SLC3A2: variants seen among roughly 807,000 people sequenced by gnomAD.
SLC3A2 encodes the protein amino acid transporter heavy chain SLC3A2.
SLC3A2 carries 32 observed loss-of-function variants against 48.5 expected under a neutral mutation model. The ratio of observed to expected loss-of-function variants is 0.66; its 90% CI spans 0.50 to 0.89. SLC3A2 has a LOEUF of 0.89. Ranked by LOEUF, SLC3A2 falls within the 40% of genes least tolerant of loss-of-function variation. The pLI is 0.00. For synonymous variants in SLC3A2, 277 were observed against 288.8 expected (o/e 0.96, Z 0.41); for missense variants, 587 against 680.7 (o/e 0.86, Z 1.53).
At chr11:62,867,230 G>A (rs1000272936) in intron 1 of SLC3A2, among the ~76,000 whole-genome samples, 1 of 151,506 alleles carries the variant, frequency 6.6e-6, no homozygotes, top group Non-Finnish European at 1.5e-5. Context: ...GACCTCAGGT[G>A]TTGCGCCCAC....
intron 7 of SLC3A2, among the ~76,000 whole-genome samples, chr11:62,887,658 G>T (rs767103813): frequency 8.7e-5 from 13 of 149,754 alleles, no homozygotes; most frequent in Non-Finnish European, 1.5e-4. Flanking sequence ...AGCCAAGATC[G>T]TGCCATTGCA....
intron 1 of SLC3A2, among the ~76,000 whole-genome samples, chr11:62,872,849 G>C (rs1364974779): frequency 6.6e-6 from 1 of 152,086 alleles, no homozygotes; most frequent in Non-Finnish European, 1.5e-5. Context: ...TGATCCGCCC[G>C]CCTTGGCCTC....
intron 7 of SLC3A2, 69 bp from the exon 8 acceptor site, chr11:62,888,066 G>A (rs1211185505): frequency 4.3e-6 from 6 of 1,408,070 alleles, no homozygotes; most frequent in African/African-American, 1.4e-5. Context: ...CAGACTGCTG[G>A]AATTACAGAT....
intron 1 of SLC3A2, chr11:62,870,725 A>ATTTTTTTTTTTT (rs754127613): frequency 1.4e-5 from 2 of 141,678 alleles, no homozygotes; most frequent in Non-Finnish European, 3.0e-5. Context: ...TATTATTATT[A>ATTTTTTTTTTTT]TTTTTTTTTT....
intron 1 of SLC3A2, among the ~76,000 whole-genome samples, chr11:62,862,333 C>CAAAAA (rs71065311): frequency 2.0e-4 from 11 of 55,900 alleles, no homozygotes; most frequent in East Asian, 1.4e-3. Flanking sequence ...GACTCTGTCT[C>CAAAAA]AAAAAAAAAA....
rs1565255205 is a variant in SLC3A2 at position 62,884,446 on chromosome 11, G to T, written c.691-11G>T. Reference sequence around the variant, plus strand: ...ACTGATGTCTGTCCTTTATTCTTCTGCCCCCTATAGGATGCTCTGGAGTTT... The same window carrying T: ...ACTGATGTCTGTCCTTTATTCTTCTTCCCCCTATAGGATGCTCTGGAGTTT... On this transcript the variant is annotated splice_polypyrimidine_tract_variant and intron_variant, in intron 3 of 8. Coordinates refer to ENST00000338663, the MANE Select transcript of SLC3A2 (RefSeq NM_001013251.3). 1.2e-6 allele frequency: 2 copies of T among 1,614,092 alleles called. No homozygotes were observed. The highest frequency in any genetic ancestry group is 1.7e-6 in the Non-Finnish European group (2 of 1,179,970).
chr11:62,872,263 C>T (rs2085525811), intron 1 of SLC3A2, among the ~76,000 whole-genome samples: 2 of 152,154 alleles, frequency 1.3e-5, no homozygotes, highest in South Asian at 4.1e-4. Context: ...GTGGCTCACG[C>T]CTCTAATGCT....
chr11:62,877,670 T>C (rs1390227249), upstream of SLC3A2, among the ~76,000 whole-genome samples: 2 of 152,098 alleles, frequency 1.3e-5, no homozygotes, highest in Non-Finnish European at 2.9e-5. Flanking sequence ...TGAGGTTGAG[T>C]GGACAAACAG....
rs1140538 is a variant in SLC3A2 at position 62,885,502 on chromosome 11, C to T, written c.1037C>T (p.Ala346Val). Residue 346 changes from alanine to valine, a missense_variant, in exon 7 of 9, where the codon GCT (alanine) becomes GTT (valine). By Grantham distance (64) the Ala-to-Val change is moderately conservative (BLOSUM62 0). This residue lies in a region of SLC3A2 where 409 missense variants were observed against 446.7 expected (regional missense o/e 0.92). Coordinates refer to ENST00000338663, the MANE Select transcript of SLC3A2 (RefSeq NM_001013251.3). ...QARLLTSFLP[A>V]QLLRLYQLML... ...AGGCTCCTGACTTCCTTCTTGCCGG[C>T]TCAACTTCTCCGACTCTACCAGCTG... 1 of 1,614,052 alleles carries T rather than the reference C, an allele frequency of 6.2e-7. No individual in the cohort carries two copies. The highest frequency in any genetic ancestry group is 1.3e-5 in the African/African-American group (1 of 74,932).
intron 3 of SLC3A2, chr11:62,883,403 G>A (rs140565635): frequency 4.1e-4 from 89 of 214,626 alleles, no homozygotes; most frequent in African/African-American, 1.8e-3. Flanking sequence ...GTACTCCTAT[G>A]TGTCTGGGAC....
At chr11:62,884,553 A>T in intron 4 of SLC3A2, 28 bp downstream of exon 4, 2 of 1,614,060 alleles carry the variant, frequency 1.2e-6, no homozygotes, top group Non-Finnish European at 8.5e-7. Context: ...ATTAGGGACA[A>T]AGCTTGGGCG....
Position 62,881,954 on chromosome 11 carries a change from A to G in SLC3A2, c.486A>G (p.Pro162=), listed in dbSNP as rs1352305418. 6.2e-7 allele frequency: 1 copy of G among 1,614,164 alleles called. No homozygotes were observed. The highest frequency in any genetic ancestry group is 8.5e-7 in the Non-Finnish European group (1 of 1,180,022). ...SLKVKGLVLG[P]IHKNQKDDVA... is the part of the protein sequence containing the mutation. ...AGGTGAAGGGCCTTGTGCTGGGTCC[A>G]ATTCACAAGAACCAGAAGGATGATG... is the stretch of plus-strand genomic sequence containing the variant. The change falls in exon 2 of 9, where the codon CCA becomes CCG. Residue 162 remains proline (P), a synonymous_variant. Transcript: ENST00000338663. This position sits in a 1 kb window ranked among gnomAD's most constrained non-coding sequence, Gnocchi z 4.0.
chr11:62,878,489 G>A (rs969519307), upstream of SLC3A2, among the ~76,000 whole-genome samples: 6 of 150,684 alleles, frequency 4.0e-5, no homozygotes, highest in African/African-American at 7.3e-5. Flanking sequence ...TTTTTGAGAC[G>A]GAGTCTTGCT....
intron 1 of SLC3A2, among the ~76,000 whole-genome samples, chr11:62,861,041 A>G (rs544281798): frequency 6.6e-6 from 1 of 152,212 alleles, no homozygotes; most frequent in Admixed American, 6.5e-5. Flanking sequence ...CTTTTTCCAC[A>G]TAGACACAGT....
At position 62,884,698 on chromosome 11, in the gene SLC3A2, C is replaced by G; in HGVS notation, c.818+8C>G. 1 of 1,588,070 alleles carries G rather than the reference C, an allele frequency of 6.3e-7. No individual in the cohort carries two copies. The highest frequency in any genetic ancestry group is 8.6e-7 in the Non-Finnish European group (1 of 1,164,756). ...GGGCTTCAGTGAAGACAGGTGGGTG[C>G]AGGAGCCATTCTGCTGACTCAGCTC... On this transcript the variant is annotated splice_region_variant and intron_variant, in intron 5 of 8. Coordinates refer to ENST00000338663, the MANE Select transcript of SLC3A2 (RefSeq NM_001013251.3).
rs71065311 is a variant in SLC3A2 at position 62,862,333 on chromosome 11, CAAAAAA to C, written c.112+5971_112+5976del. 7.7e-4 allele frequency among the ~76,000 whole-genome samples: 43 copies of C among 55,914 alleles called. No homozygotes were observed. In the East Asian group the frequency reaches 0.017, roughly 22 times the overall value. The allele number at this position is 55,914 out of a possible 152,430, so 36.7% of individuals were successfully genotyped here. ...TGGGCGACAGAGTGAGACTCTGTCT[CAAAAAA>C]AAAAAAAAAAAAAAAAAAGCCCTGC... On this transcript the variant is annotated intron_variant, in intron 1 of 9. Coordinates refer to the SLC3A2 transcript ENST00000377889.
intron 1 of SLC3A2, among the ~76,000 whole-genome samples, chr11:62,873,300 A>G (rs2085536413): frequency 6.6e-6 from 1 of 152,002 alleles, no homozygotes; most frequent in South Asian, 2.1e-4. Context: ...CAGCCTGGCC[A>G]ACATTAGTGA....
At position 62,884,678 on chromosome 11, in the gene SLC3A2, TCAGTGAAGA is replaced by T. The variant is rs2085684413; in HGVS notation, c.810_818del (p.Ser270_Asp272del). The T allele has an allele frequency of 6.2e-7, 1 of 1,605,778 alleles. No homozygotes were observed. The highest frequency in any genetic ancestry group is 8.5e-7 in the Non-Finnish European group (1 of 1,174,552). On this transcript the variant is annotated inframe_deletion, in exon 5 of 9. Transcript: ENST00000338663. ...GAGTGGCAAAATATCACCAAGGGCT[TCAGTGAAGA>T]CAGGTGGGTGCAGGAGCCATTCTGC...
chr11:62,867,322 CTTTTTT>C lies in SLC3A2; in HGVS notation c.112+10958_112+10963del, dbSNP rs56758000. On this transcript the variant is annotated intron_variant, in intron 1 of 9. Transcript: ENST00000377889. ...CCCTTTATTCTTTCTCTTTTCTTTT[CTTTTTT>C]TTTTTTTTTTTTTTTTGATACAGAG... Among the ~76,000 whole-genome samples the C allele has an allele frequency of 1.2e-4, 8 of 67,676 alleles. No homozygotes were observed. The East Asian group carries it at 1.2e-3, about 10-fold the overall frequency. 44.4% of individuals were successfully genotyped at this position (67,676 alleles called of 152,430 possible).
Sources: allele counts gnomAD v4.1 joint callset (sites outside exome capture counted in the v4.1 genomes callset), GRCh38; gene constraint gnomAD v4.1.1; regional missense constraint gnomAD v4.1.1; non-coding constraint Gnocchi (gnomAD v3.1); transcripts MANE v1.5; gene names NCBI Gene and HGNC (gene_info 2026-07-23, HGNC 2026-07-21).